Variants in CTNNA2 observed in about 807,000 individuals in gnomAD.
CTNNA2 encodes the protein catenin alpha-2.
Under a neutral mutation model 101.0 loss-of-function variants are expected in CTNNA2, and 42 were observed. The ratio of observed to expected loss-of-function variants is 0.42; its 90% confidence interval spans 0.32 to 0.54. The LOEUF (loss-of-function observed/expected upper bound fraction) is 0.54, where lower values mean the gene tolerates loss of function less well. Ranked by LOEUF, CTNNA2 falls within the 20% of genes least tolerant of loss-of-function variation. CTNNA2 has a pLI of 0.14. For synonymous variants in CTNNA2, 450 were observed against 456.4 expected (o/e 0.99, Z 0.18); for missense variants, 871 against 1,223.1 (o/e 0.71, Z 4.29).
intron 16 of CTNNA2, 123 bp downstream of exon 16, chr2:80,604,302 C>G (rs576511106): frequency 1.4e-6 from 1 of 728,068 alleles, no homozygotes; most frequent in African/African-American, 1.7e-5. Flanking sequence ...GGGAGAATCA[C>G]TGATATTTTA....
chr2:79,327,439 G>A (rs1242633864), intron 3 of CTNNA2, among the ~76,000 whole-genome samples: 1 of 152,180 alleles, frequency 6.6e-6, no homozygotes, highest in Admixed American at 6.5e-5. Context: ...ACAGGATTGA[G>A]CCTGAATACT....
chr2:79,200,947 G>GA (rs963425329), intron 2 of CTNNA2, among the ~76,000 whole-genome samples: 1 of 151,838 alleles, frequency 6.6e-6, no homozygotes, highest in Admixed American at 6.6e-5. Flanking sequence ...TGGTAAAGAA[G>GA]AAAAAAAACA....
At chr2:79,656,057 A>G (rs1039727703) in intron 2 of CTNNA2, among the ~76,000 whole-genome samples, 2 of 152,108 alleles carry the variant, frequency 1.3e-5, no homozygotes, top group African/African-American at 4.8e-5. Context: ...TCCCCTATCT[A>G]TATGCCTTAT....
intron 9 of CTNNA2, among the ~76,000 whole-genome samples, chr2:80,491,670 T>A (rs1468874130): frequency 1.3e-5 from 2 of 152,194 alleles, no homozygotes; most frequent in African/African-American, 4.8e-5. Flanking sequence ...AAGAAGCCAT[T>A]CAATTTGCCT....
chr2:79,896,921 C>T (rs1684753618), intron 6 of CTNNA2, among the ~76,000 whole-genome samples: 1 of 152,090 alleles, frequency 6.6e-6, no homozygotes, highest in South Asian at 2.1e-4. Flanking sequence ...ATGCAGAGAC[C>T]ACTTTGGCAG....
In CTNNA2 at chr2:80,547,690, C is replaced by CTTTTTTTTTTTTTTTTTTTTTTTTTTTTT. The variant is rs61186189; in HGVS notation, c.1540+1643_1540+1644insTTTTTTTTTTTTTTTTTTTTTTTTTTTTT. Among the ~76,000 whole-genome samples, 21 of 124,314 alleles carry CTTTTTTTTTTTTTTTTTTTTTTTTTTTTT rather than the reference C, an allele frequency of 1.7e-4. 8 individuals are homozygous for CTTTTTTTTTTTTTTTTTTTTTTTTTTTTT. The highest frequency in any genetic ancestry group is 1.4e-4 in the African/African-American group (4 of 29,340). 81.6% of individuals were successfully genotyped at this position (124,314 alleles called of 152,430 possible). On this transcript the variant is annotated intron_variant, in intron 11 of 18. Coordinates refer to ENST00000402739, the MANE Select transcript of CTNNA2 (RefSeq NM_001282597.3). ...AGAACTCAATATATTGTCACTTCTG[C>CTTTTTTTTTTTTTTTTTTTTTTTTTTTTT]TTTTTTTTTTTTTTTTGAGATGGAG...
At chr2:80,251,962 T>A (rs1056749553) in intron 7 of CTNNA2, among the ~76,000 whole-genome samples, 1 of 152,230 alleles carries the variant, frequency 6.6e-6, no homozygotes, top group African/African-American at 2.4e-5. Context: ...TTAATTAATT[T>A]TCAGTCAAAA....
At chr2:79,237,276 T>C (rs1674569115) in intron 2 of CTNNA2, among the ~76,000 whole-genome samples, 1 of 152,214 alleles carries the variant, frequency 6.6e-6, no homozygotes, top group Non-Finnish European at 1.5e-5. Context: ...AGTAATATTT[T>C]GAAAGGAATC....
intron 1 of CTNNA2, among the ~76,000 whole-genome samples, chr2:79,553,916 T>C (rs560377841): frequency 1.3e-5 from 2 of 152,330 alleles, no homozygotes; most frequent in South Asian, 4.1e-4. Context: ...CTTCTATCTT[T>C]GCAGCTATCT....
At chr2:80,034,385 G>A (rs544014913) in intron 7 of CTNNA2, among the ~76,000 whole-genome samples, 56 of 128,758 alleles carry the variant, frequency 4.3e-4, no homozygotes, top group African/African-American at 1.1e-3. Flanking sequence ...ACGGAGTCTC[G>A]CTCTGTCACC....
chr2:80,372,367 GT>G (rs59415087), intron 7 of CTNNA2, among the ~76,000 whole-genome samples: 5,226 of 139,318 alleles, frequency 0.038, 102 homozygotes, highest in Admixed American at 0.083. Flanking sequence ...TTTTAGAGAA[GT>G]TTTTTTTTTT....
chr2:79,714,786 C>G (rs1419491091), intron 2 of CTNNA2, among the ~76,000 whole-genome samples: 1 of 152,076 alleles, frequency 6.6e-6, no homozygotes, highest in African/African-American at 2.4e-5. Context: ...AATCTGTCCA[C>G]TTTTGAAACA....
intron 7 of CTNNA2, among the ~76,000 whole-genome samples, chr2:80,306,011 T>A (rs966194260): frequency 2.0e-5 from 3 of 152,212 alleles, no homozygotes; most frequent in African/African-American, 7.2e-5. Context: ...CCAGGGTAGA[T>A]AGACTGGACA....
chr2:80,271,519 T>A (rs950593713), intron 7 of CTNNA2, among the ~76,000 whole-genome samples: 7 of 152,034 alleles, frequency 4.6e-5, no homozygotes, highest in Non-Finnish European at 8.8e-5. Flanking sequence ...CCTCCCGTGT[T>A]CACGCCATTC....
intron 2 of CTNNA2, among the ~76,000 whole-genome samples, chr2:79,287,972 C>A (rs910845802): frequency 1.3e-5 from 2 of 152,196 alleles, no homozygotes; most frequent in Admixed American, 6.5e-5. Context: ...TTAAGCCGGT[C>A]GGAAAAGCGC....
intron 3 of CTNNA2, among the ~76,000 whole-genome samples, chr2:79,762,281 G>C (rs1273558819): frequency 6.6e-6 from 1 of 152,180 alleles, no homozygotes; most frequent in South Asian, 2.1e-4. Flanking sequence ...GGAGCTTCCA[G>C]TCTCAATTGA....
At position 80,328,915 on chromosome 2, in the gene CTNNA2, A is replaced by G. The variant is rs577295448; in HGVS notation, c.1057-64296A>G. 2.3e-3 allele frequency among the ~76,000 whole-genome samples: 354 copies of G among 152,310 alleles called. No individual in the cohort carries two copies. The Middle Eastern group carries it at 0.024, about 10-fold the overall frequency. On this transcript the variant is annotated intron_variant, in intron 7 of 18. Transcript: ENST00000402739. ...TACTTGATCTGCAATGCCAATATGA[A>G]GGACCATGTATCAGGTTTCTATATA...
At chr2:80,241,514 T>C (rs1182087748) in intron 7 of CTNNA2, among the ~76,000 whole-genome samples, 1 of 152,054 alleles carries the variant, frequency 6.6e-6, no homozygotes, top group Non-Finnish European at 1.5e-5. Context: ...AACACCCTTC[T>C]TACATTCCTG....
At chr2:79,724,747 G>A (rs954265863) in intron 2 of CTNNA2, among the ~76,000 whole-genome samples, 5 of 148,448 alleles carry the variant, frequency 3.4e-5, no homozygotes, top group Non-Finnish European at 7.4e-5. Context: ...CCTGGGAGGC[G>A]GAGCTTGCAG....
Sources: gnomAD v4.1 joint callset for allele counts (sites outside exome capture counted in the v4.1 genomes callset) on GRCh38, gnomAD v4.1.1 for gene constraint, MANE v1.5 for transcripts, NCBI Gene and HGNC (gene_info 2026-07-23, HGNC 2026-07-21) for gene names.